Variants in WDFY4 observed in about 807,000 individuals in gnomAD.
WDFY4 encodes WDFY family member 4.
Under a neutral mutation model 351.9 loss-of-function variants are expected in WDFY4, and 169 were observed. The observed-to-expected ratio is 0.48, with a 90% CI of 0.42 to 0.55. The LOEUF is 0.55. WDFY4 is among the 20% of genes least tolerant of loss of function. WDFY4 has a pLI of 0.00. For synonymous variants in WDFY4, 1,622 were observed against 1,574.6 expected (o/e 1.03, Z -0.71); for missense variants, 3,803 against 3,935.6 (o/e 0.97, Z 0.90).
chr10:48,913,328 A>T (rs1023803634), intron 47 of WDFY4: 2 of 1,495,948 alleles, frequency 1.3e-6, no homozygotes, highest in African/African-American at 2.8e-5. Flanking sequence ...CTGTGGAGGT[A>T]GCCCACTGCC....
At chr10:48,823,415 C>T in intron 35 of WDFY4, 1 of 1,203,998 alleles carries the variant, frequency 8.3e-7, no homozygotes. Context: ...ACTCTCCTTC[C>T]TCTTCACATC....
intron 43 of WDFY4, among the ~76,000 whole-genome samples, chr10:48,877,635 G>C (rs867952266): frequency 6.6e-6 from 1 of 152,164 alleles, no homozygotes; most frequent in African/African-American, 2.4e-5. Context: ...CCATATATCC[G>C]CACTGTCCCT....
intron 43 of WDFY4, among the ~76,000 whole-genome samples, chr10:48,886,456 C>T (rs115237042): frequency 9.1e-4 from 138 of 152,304 alleles, no homozygotes; most frequent in African/African-American, 3.2e-3. Flanking sequence ...GCATGACCCT[C>T]ATGAATAGAT....
chr10:48,930,411 C>T (rs963033916), intron 47 of WDFY4, among the ~76,000 whole-genome samples: 13 of 152,140 alleles, frequency 8.5e-5, no homozygotes, highest in African/African-American at 1.9e-4. Context: ...GATGATGGCA[C>T]GACGGATTGT....
intron 1 of WDFY4, among the ~76,000 whole-genome samples, chr10:48,698,753 G>C (rs549337683): frequency 2.0e-5 from 3 of 152,338 alleles, no homozygotes; most frequent in African/African-American, 7.2e-5. Context: ...GGTCTGGCGG[G>C]TGAAGGGCTT....
At chr10:48,913,262 A>T in intron 47 of WDFY4, 1 of 815,134 alleles carries the variant, frequency 1.2e-6, no homozygotes, top group Non-Finnish European at 2.0e-6. Flanking sequence ...TAAGGAAAGG[A>T]GTTTTATGGG....
chr10:48,703,946 C>G (rs2063551638), intron 1 of WDFY4, among the ~76,000 whole-genome samples: 1 of 152,028 alleles, frequency 6.6e-6, no homozygotes, highest in South Asian at 2.1e-4. Flanking sequence ...GCATGCATGG[C>G]CACTCCCAGC....
chr10:48,848,436 G>A (rs1017475008), intron 39 of WDFY4, among the ~76,000 whole-genome samples: 3 of 152,240 alleles, frequency 2.0e-5, no homozygotes, highest in Non-Finnish European at 4.4e-5. Context: ...GTAAAAGACT[G>A]CATTGCAGAT....
chr10:48,721,445 C>G (rs1375019507), intron 4 of WDFY4, 78 bp downstream of exon 4: 1 of 1,327,424 alleles, frequency 7.5e-7, no homozygotes, highest in Admixed American at 2.0e-5. Context: ...AGGGTGGTGG[C>G]ATATCCCAAG....
At chr10:48,832,835 G>A in intron 39 of WDFY4, 126 bp downstream of exon 39, 1 of 1,279,178 alleles carries the variant, frequency 7.8e-7, no homozygotes, top group South Asian at 1.9e-5. Flanking sequence ...AGCATTTGAG[G>A]GTATGCATGT....
At chr10:48,877,233 T>C (rs200016949) in intron 43 of WDFY4, 34 bp downstream of exon 43, 3 of 1,529,308 alleles carry the variant, frequency 2.0e-6, no homozygotes, top group South Asian at 2.5e-5. Flanking sequence ...CTTTAAGATT[T>C]TTAAGTTAGT....
intron 53 of WDFY4, 22 bp downstream of exon 53, chr10:48,959,835 G>A: frequency 6.5e-7 from 1 of 1,537,564 alleles, no homozygotes; most frequent in Non-Finnish European, 8.8e-7. Flanking sequence ...CAGGACCCCT[G>A]GTATCCTGCT....
At chr10:48,760,294 A>G (rs1312032853) in intron 12 of WDFY4, 53 bp from the exon 13 acceptor site, 4 of 1,490,062 alleles carry the variant, frequency 2.7e-6, no homozygotes, top group Non-Finnish European at 2.7e-6. Flanking sequence ...CAGTGAAAAT[A>G]GAAAGAAACT....
intron 53 of WDFY4, among the ~76,000 whole-genome samples, chr10:48,962,238 C>CAT (rs1841890399): frequency 6.6e-6 from 1 of 152,178 alleles, no homozygotes; most frequent in Non-Finnish European, 1.5e-5. Context: ...TTGGGAGAGC[C>CAT]ATACCTTTCA....
intron 47 of WDFY4, among the ~76,000 whole-genome samples, chr10:48,919,144 G>A (rs548911836): frequency 1.6e-4 from 25 of 151,822 alleles, no homozygotes; most frequent in African/African-American, 6.0e-4. Flanking sequence ...TCTTTGAAAA[G>A]ATTAATGAAA....
At chr10:48,770,850 G>T (rs2065841564) in intron 13 of WDFY4, among the ~76,000 whole-genome samples, 1 of 152,212 alleles carries the variant, frequency 6.6e-6, no homozygotes, top group Admixed American at 6.5e-5. Context: ...CTGTCTTCCA[G>T]GCAAGACCTC....
At chr10:48,911,187 C>T (rs1165039634) in intron 47 of WDFY4, among the ~76,000 whole-genome samples, 2 of 152,200 alleles carry the variant, frequency 1.3e-5, no homozygotes, top group Non-Finnish European at 2.9e-5. Context: ...TCACACATGT[C>T]TCAGACACGG....
Position 48,830,591 on chromosome 10 carries a change from C to T in WDFY4, c.6341-109C>T. 3 of 1,258,054 alleles carry T rather than the reference C, an allele frequency of 2.4e-6. No individual in the cohort carries two copies. The South Asian group carries it at 4.5e-5, about 19-fold the overall frequency. 77.9% of individuals were successfully genotyped at this position (1,258,054 alleles called of 1,614,324 possible). On this transcript the variant is annotated intron_variant, in intron 37 of 61. Transcript: ENST00000325239. Reference sequence around the variant, plus strand: ...GCAAAGCTGGGGTGATGTTCAAGACCTTAAGTGAGAAGGGTGTGGGTAAAA... The same window carrying T: ...GCAAAGCTGGGGTGATGTTCAAGACTTTAAGTGAGAAGGGTGTGGGTAAAA...
intron 47 of WDFY4, chr10:48,910,001 T>C (rs1837855279): frequency 1.8e-6 from 1 of 543,716 alleles, no homozygotes; most frequent in East Asian, 2.9e-5. Context: ...TTTTTCTATA[T>C]ACATTTTAAA....
Sources: gnomAD v4.1 joint callset for allele counts (sites outside exome capture counted in the v4.1 genomes callset) on GRCh38, gnomAD v4.1.1 for gene constraint, MANE v1.5 for transcripts, NCBI Gene and HGNC (gene_info 2026-07-23, HGNC 2026-07-21) for gene names.